The following GPR158 variants were observed in gnomAD, a reference collection of about 807,000 sequenced individuals.
GPR158 encodes G protein-coupled receptor 158, also known as metabotropic glycine receptor.
GPR158 carries 30 observed loss-of-function variants against 78.2 expected under a neutral mutation model. The ratio of observed to expected loss-of-function variants is 0.38; its 90% CI spans 0.29 to 0.52. The LOEUF (loss-of-function observed/expected upper bound fraction) is 0.52, where lower values mean the gene tolerates loss of function less well. GPR158 is among the 20% of genes least tolerant of loss of function. The pLI, the probability that GPR158 is intolerant of heterozygous loss-of-function variation, is 0.83. For synonymous variants in GPR158, 581 were observed against 591.1 expected, an observed-to-expected ratio of 0.98 and a Z score of 0.25; for missense variants, 1,463 against 1,523.5, an observed-to-expected ratio of 0.96 and a Z score of 0.66.
chr10:25,430,207 T>C (rs1176088779), intron 4 of GPR158, among the ~76,000 whole-genome samples: 3 of 152,124 alleles, frequency 2.0e-5, no homozygotes, highest in Non-Finnish European at 4.4e-5. Context: ...AGCATTCTTA[T>C]ACACCAATAA....
At chr10:25,555,013 GAAAGA>G (rs914616595) in intron 6 of GPR158, among the ~76,000 whole-genome samples, 12 of 150,044 alleles carry the variant, frequency 8.0e-5, no homozygotes, top group Admixed American at 3.3e-4. Context: ...AGAGAGGAAA[GAAAGA>G]AAAGAAAAGA....
At chr10:25,358,668 T>A (rs1354118381) in intron 2 of GPR158, among the ~76,000 whole-genome samples, 1 of 152,094 alleles carries the variant, frequency 6.6e-6, no homozygotes, top group African/African-American at 2.4e-5. Flanking sequence ...CCAGTAAACA[T>A]CTTTCTGTTG....
chr10:25,282,588 A>G (rs1038107053), intron 2 of GPR158, among the ~76,000 whole-genome samples: 3 of 152,160 alleles, frequency 2.0e-5, no homozygotes, highest in Non-Finnish European at 4.4e-5. Context: ...TATCCTCACT[A>G]GCAGTTTCTG....
intron 4 of GPR158, among the ~76,000 whole-genome samples, chr10:25,433,626 TAAG>T (rs570369514): frequency 1.3e-5 from 2 of 150,094 alleles, no homozygotes; most frequent in South Asian, 2.1e-4. Flanking sequence ...TAAGGGTAAA[TAAG>T]GAGAGAAGCA....
chr10:25,303,509 A>C (rs1819363492), intron 2 of GPR158, among the ~76,000 whole-genome samples: 1 of 152,246 alleles, frequency 6.6e-6, no homozygotes, highest in Admixed American at 6.5e-5. Flanking sequence ...AAGGAAAATA[A>C]ATACACTAAA....
intron 5 of GPR158, among the ~76,000 whole-genome samples, chr10:25,483,488 C>T (rs558165634): frequency 6.6e-6 from 1 of 152,258 alleles, no homozygotes; most frequent in South Asian, 2.1e-4. Context: ...TCTCTCTCAT[C>T]CTGCTCTTTT....
intron 2 of GPR158, among the ~76,000 whole-genome samples, chr10:25,221,860 G>T (rs1433340431): frequency 6.6e-6 from 1 of 152,154 alleles, no homozygotes; most frequent in East Asian, 1.9e-4. Flanking sequence ...TAAAGTTCTT[G>T]ATCTTAAATA....
intron 6 of GPR158, among the ~76,000 whole-genome samples, chr10:25,562,362 G>A (rs980118892): frequency 2.0e-5 from 3 of 151,418 alleles, no homozygotes; most frequent in African/African-American, 4.9e-5. Context: ...TTTTCTCTTC[G>A]ATTTTTAGTT....
At chr10:25,446,841 A>G (rs1256681718) in intron 4 of GPR158, among the ~76,000 whole-genome samples, 1 of 152,230 alleles carries the variant, frequency 6.6e-6, no homozygotes, top group African/African-American at 2.4e-5. Flanking sequence ...CATCAGCCGT[A>G]GGACAACTTT....
At chr10:25,539,842 G>T (rs918583286) in intron 5 of GPR158, among the ~76,000 whole-genome samples, 1 of 152,082 alleles carries the variant, frequency 6.6e-6, no homozygotes, top group East Asian at 1.9e-4. Flanking sequence ...AAATTACTAT[G>T]GAATCAAAAA....
At chr10:25,253,896 T>C (rs112463895) in intron 2 of GPR158, among the ~76,000 whole-genome samples, 1,768 of 152,302 alleles carry the variant, frequency 0.012, 25 homozygotes, top group South Asian at 0.058. Flanking sequence ...AAAAAACTAA[T>C]ACATCAGAGT....
intron 4 of GPR158, among the ~76,000 whole-genome samples, chr10:25,429,546 G>C (rs191816947): frequency 6.6e-6 from 1 of 152,134 alleles, no homozygotes; most frequent in African/African-American, 2.4e-5. Context: ...TTAGGGATCA[G>C]GAATGCCTAC....
At chr10:25,403,364 G>A (rs1834470249) in intron 3 of GPR158, among the ~76,000 whole-genome samples, 1 of 151,944 alleles carries the variant, frequency 6.6e-6, no homozygotes, top group Non-Finnish European at 1.5e-5. Context: ...AGATTCCTCA[G>A]ATGGCCTGTA....
intron 4 of GPR158, among the ~76,000 whole-genome samples, chr10:25,459,773 A>G (rs917596258): frequency 6.6e-6 from 1 of 152,174 alleles, no homozygotes; most frequent in African/African-American, 2.4e-5. Context: ...GCATCCAAAC[A>G]TGGAATTTAG....
rs190602087 is a variant in GPR158, at chr10:25,493,783, A to G, written c.1404+27064A>G. Among the ~76,000 whole-genome samples the G allele has an allele frequency of 1.7e-4, 26 of 152,328 alleles. 1 individual carries two copies. Among genetic ancestry groups the G allele is most frequent in the Admixed American group, 1.4e-3 (22 of 15,298 alleles). ...ATATCATTTGAATCTCAAGGCTGTG[A>G]AAGTGTATATTTTGTGACAGCTTAG... On this transcript the variant is annotated intron_variant, in intron 5 of 10. Coordinates refer to ENST00000376351, the MANE Select transcript of GPR158 (RefSeq NM_020752.3).
intron 1 of GPR158, among the ~76,000 whole-genome samples, chr10:25,183,746 G>A (rs1432806289): frequency 6.6e-6 from 1 of 152,324 alleles, no homozygotes; most frequent in African/African-American, 2.4e-5. Flanking sequence ...TTAGAGTTAT[G>A]TAAGGTTTTG....
chr10:25,266,642 T>G (rs1318347775), intron 2 of GPR158, among the ~76,000 whole-genome samples: 1 of 152,194 alleles, frequency 6.6e-6, no homozygotes. Context: ...CCTTTTTTTT[T>G]GTGCTGTAGA....
intron 4 of GPR158, among the ~76,000 whole-genome samples, chr10:25,430,911 A>T (rs11014548): frequency 6.6e-6 from 1 of 151,556 alleles, no homozygotes; most frequent in East Asian, 1.9e-4. Flanking sequence ...TAAAAACCCT[A>T]GAAGAAAACC....
At chr10:25,378,666 C>G (rs1025260525) in intron 2 of GPR158, among the ~76,000 whole-genome samples, 7 of 151,748 alleles carry the variant, frequency 4.6e-5, no homozygotes, top group African/African-American at 1.2e-4. Flanking sequence ...AGTAGTTATT[C>G]TATGGATTTC....
Sources: gnomAD v4.1 joint callset for allele counts (sites outside exome capture counted in the v4.1 genomes callset) on GRCh38, gnomAD v4.1.1 for gene constraint, MANE v1.5 for transcripts, NCBI Gene and HGNC (gene_info 2026-07-23, HGNC 2026-07-21) for gene names.